The following MREG variants were observed in gnomAD, a reference collection of about 807,000 sequenced individuals.
MREG encodes the protein dilute suppressor protein homolog.
A neutral mutation model predicts 28.5 loss-of-function variants in MREG; 31 were observed. The ratio of observed to expected loss-of-function variants is 1.09; its 90% confidence interval spans 0.82 to 1.47. The LOEUF is 1.47. MREG is among the 40% of genes most tolerant of loss of function. MREG has a pLI of 0.00. For synonymous variants in MREG, 106 were observed against 95.2 expected (o/e 1.11, Z -0.66); for missense variants, 256 against 257.4 (o/e 0.99, Z 0.04).
chr2:215,984,518 CAAAAA>C (rs375220091), intron 2 of MREG, among the ~76,000 whole-genome samples: 16 of 68,028 alleles, frequency 2.4e-4, no homozygotes, highest in East Asian at 7.1e-4. Context: ...ACCTTGTCAC[CAAAAA>C]AAAAAAAAAA....
intron 2 of MREG, among the ~76,000 whole-genome samples, chr2:215,973,356 G>C (rs1693155845): frequency 6.6e-6 from 1 of 152,168 alleles, no homozygotes. Context: ...ACATTAAACA[G>C]ATAACACCAC....
chr2:216,029,184 G>C (rs988283453), intron 1 of MREG, among the ~76,000 whole-genome samples: 2 of 152,212 alleles, frequency 1.3e-5, no homozygotes, highest in African/African-American at 4.8e-5. Context: ...CAGATGTAAA[G>C]AAGGATTGAG....
chr2:215,996,395 G>C lies in MREG; in HGVS notation c.166C>G (p.Pro56Ala), dbSNP rs368256699. 5.0e-6 allele frequency: 8 copies of C among 1,613,568 alleles called. No homozygotes were observed. In the African/African-American group the frequency reaches 9.3e-5, roughly 19 times the overall value. Residue 56 changes from proline to alanine, a missense_variant, in exon 2 of 5, where the codon CCC (proline) becomes GCC (alanine). Coordinates refer to ENST00000263268, the MANE Select transcript of MREG (RefSeq NM_018000.3). ...RDDEKNLWSM[P>A]HDVSHTEADD... ...GCCTCTGTGTGGGACACATCATGGG[G>C]CATACTCCATAAATTCTTCTCATCA...
chr2:215,954,541 T>A (rs932680010), intron 2 of MREG, among the ~76,000 whole-genome samples: 14 of 151,180 alleles, frequency 9.3e-5, no homozygotes, highest in African/African-American at 3.2e-4. Flanking sequence ...TGAAGTTATG[T>A]AACTTGCCCC....
chr2:215,998,320 AAATAAT>A (rs961263080), intron 1 of MREG, among the ~76,000 whole-genome samples: 13 of 138,898 alleles, frequency 9.4e-5, no homozygotes, highest in Non-Finnish European at 1.2e-4. Flanking sequence ...AAAAAAAAAA[AAATAAT>A]AATAATAATA....
At position 216,013,447 on chromosome 2, in the gene MREG, C is replaced by A. The variant is rs573010593; in HGVS notation, c.-120G>T. 307 of 541,512 alleles carry A rather than the reference C, an allele frequency of 5.7e-4. No homozygotes were observed. The highest frequency in any genetic ancestry group is 7.0e-4 in the Non-Finnish European group (268 of 384,044). The allele number at this position is 541,512 out of a possible 1,614,324, so 33.5% of individuals were successfully genotyped here. On this transcript the variant is annotated 5_prime_UTR_variant, in exon 1 of 5. Coordinates refer to ENST00000263268, the MANE Select transcript of MREG (RefSeq NM_018000.3). ...GGTGCGGGGACAGCGGCAGCCCGGG[C>A]GTCGCGGGCTGGTCCGCGCGCATCA...
chr2:215,980,468 G>A (rs767440668), intron 2 of MREG, among the ~76,000 whole-genome samples: 8 of 152,144 alleles, frequency 5.3e-5, no homozygotes, highest in African/African-American at 7.2e-5. Context: ...AAGCAGCTTC[G>A]AGGGAGGCTC....
intron 2 of MREG, among the ~76,000 whole-genome samples, chr2:215,983,258 C>T (rs982281542): frequency 2.0e-5 from 3 of 152,166 alleles, no homozygotes; most frequent in African/African-American, 7.2e-5. Flanking sequence ...AAAGAGTGGG[C>T]TTTGTCCAAT....
At chr2:216,026,908 CA>C (rs1380191383) in intron 1 of MREG, among the ~76,000 whole-genome samples, 2 of 152,294 alleles carry the variant, frequency 1.3e-5, no homozygotes, top group Admixed American at 1.3e-4. Context: ...TACTTAAAAT[CA>C]AGCATCCTAT....
intron 2 of MREG, among the ~76,000 whole-genome samples, chr2:215,975,323 T>C (rs984312298): frequency 6.6e-6 from 1 of 152,180 alleles, no homozygotes; most frequent in Non-Finnish European, 1.5e-5. Context: ...AGTACTTTCA[T>C]TGGGTAGTTT....
intron 2 of MREG, among the ~76,000 whole-genome samples, chr2:215,976,706 G>C (rs1277755773): frequency 1.3e-5 from 2 of 152,180 alleles, no homozygotes; most frequent in Non-Finnish European, 2.9e-5. Context: ...CAAGCCAGAA[G>C]AGAGTGGGGG....
In MREG at chr2:215,947,080, G is replaced by A. The variant is rs1272530612; in HGVS notation, c.289C>T (p.Leu97=). 2 of 1,612,944 alleles carry A rather than the reference G, an allele frequency of 1.2e-6. No homozygotes were observed. Among genetic ancestry groups the A allele is most frequent in the African/African-American group, 1.3e-5 (1 of 74,890 alleles). Residue 97 remains leucine (L), a synonymous_variant, in exon 3 of 5, where the codon CTG becomes TTG. Transcript: ENST00000263268. ...CTTACTTCCCTTCGAACCTGCCGCA[G>A]GGTATGGATATCATAGTTGAGCTTC... ...WQKLNYDIHT[L]RQVRREVRNR...
In MREG at chr2:215,973,354, C is replaced by T. The variant is rs3770534; in HGVS notation, c.255+22952G>A. Among the ~76,000 whole-genome samples the T allele has an allele frequency of 6.5e-3, 989 of 152,308 alleles. 36 individuals carry two copies. In the East Asian group the frequency reaches 0.097, roughly 15 times the overall value. ...ACGCTGAAACCTCATTAACATTAAA[C>T]AGATAACACCACATGCAGCATAAGA... On this transcript the variant is annotated intron_variant, in intron 2 of 4. Transcript: ENST00000263268.
In MREG at chr2:215,945,010, A is replaced by C; in HGVS notation, c.511-13T>G. ...CAATGAGACGGTCCTGCAAAAACAA[A>C]CAACAAACCAAAAAACTGCTGGCAA... On this transcript the variant is annotated splice_polypyrimidine_tract_variant and intron_variant, in intron 4 of 4. Transcript: ENST00000263268. 2 of 1,557,604 alleles carry C rather than the reference A, an allele frequency of 1.3e-6. No individual in the cohort carries two copies. The highest frequency in any genetic ancestry group is 8.8e-7 in the Non-Finnish European group (1 of 1,138,586).
chr2:215,941,188 G>T (rs1211672307), downstream of MREG, among the ~76,000 whole-genome samples: 1 of 152,154 alleles, frequency 6.6e-6, no homozygotes, highest in Non-Finnish European at 1.5e-5. Context: ...TAACACACAA[G>T]CCAAGAAAGG....
At chr2:215,990,733 G>A (rs1208321873) in intron 2 of MREG, among the ~76,000 whole-genome samples, 2 of 152,060 alleles carry the variant, frequency 1.3e-5, no homozygotes, top group African/African-American at 4.8e-5. Flanking sequence ...AAAAAAAGCA[G>A]GGATTGTGAT....
chr2:215,995,515 C>T (rs1490591624), intron 2 of MREG, among the ~76,000 whole-genome samples: 6 of 148,808 alleles, frequency 4.0e-5, no homozygotes, highest in South Asian at 2.2e-4. Context: ...CCCCACCCCC[C>T]GCCACCAATA....
At chr2:216,030,706 C>T (rs1250762361) in intron 1 of MREG, among the ~76,000 whole-genome samples, 2 of 148,178 alleles carry the variant, frequency 1.3e-5, no homozygotes, top group African/African-American at 4.9e-5. Flanking sequence ...CCACAACTGG[C>T]TAATTTTTGT....
intron 1 of MREG, among the ~76,000 whole-genome samples, chr2:216,008,632 G>A (rs1196006511): frequency 1.3e-5 from 2 of 152,222 alleles, no homozygotes; most frequent in Non-Finnish European, 2.9e-5. Flanking sequence ...TTTCTACAGT[G>A]CCTGAATTCC....
Sources: gnomAD v4.1 joint callset for allele counts (sites outside exome capture counted in the v4.1 genomes callset) on GRCh38, gnomAD v4.1.1 for gene constraint, MANE v1.5 for transcripts, NCBI Gene and HGNC (gene_info 2026-07-23, HGNC 2026-07-21) for gene names.